The following CARS2 variants were observed in gnomAD, a reference collection of about 807,000 sequenced individuals.
The protein encoded by CARS2 is probable cysteine--tRNA ligase, mitochondrial.
In CARS2, 52 loss-of-function variants were observed where a neutral mutation model predicts 68.8. That is an observed-to-expected ratio of 0.76 (90% confidence interval 0.61 to 0.95). CARS2 has a LOEUF of 0.95. Ranked by LOEUF, CARS2 falls within the 40% of genes least tolerant of loss-of-function variation. CARS2 has a pLI of 0.00. For synonymous variants in CARS2, 314 were observed against 303.6 expected (o/e 1.03, Z -0.36); for missense variants, 780 against 754.2 (o/e 1.03, Z -0.40).
chr13:110,702,140 T>C (rs2063804467), intron 2 of CARS2, among the ~76,000 whole-genome samples: 1 of 152,244 alleles, frequency 6.6e-6, no homozygotes, highest in Non-Finnish European at 1.5e-5. Context: ...CCATAAAAGT[T>C]ACCTTAAAAC....
rs532221248 is a variant in CARS2, at chr13:110,668,035, C to G, written c.786-562G>C. ...GGGCCAGCCCACTCGAAGCTCTGTC[C>G]CTGGACCAGCTGCAGAAGCATGGCG... On this transcript the variant is annotated intron_variant, in intron 7 of 14. Coordinates refer to ENST00000257347, the MANE Select transcript of CARS2 (RefSeq NM_024537.4). This position sits in a 1 kb window ranked among gnomAD's most constrained non-coding sequence, Gnocchi z 4.1. Among the ~76,000 whole-genome samples, 3 of 152,302 alleles carry G rather than the reference C, an allele frequency of 2.0e-5. No individual in the cohort carries two copies. The highest frequency in any genetic ancestry group is 7.2e-5 in the African/African-American group (3 of 41,570).
Position 110,712,734 on chromosome 13 carries a change from G to T in CARS2, n.399+403C>A, listed in dbSNP as rs1416099476. 21 of 697,860 alleles carry T rather than the reference G, an allele frequency of 3.0e-5. 2 individuals carry two copies. In the Admixed American group the frequency reaches 3.6e-4, roughly 12 times the overall value. 43.2% of individuals were successfully genotyped at this position (697,860 alleles called of 1,614,324 possible). Reference sequence around the variant, plus strand: ...GGCGGCCTTTCCAAGTGTGGGGAGCGGCCTCCGAGAACGGTGTCCATGACA... The same window carrying T: ...GGCGGCCTTTCCAAGTGTGGGGAGCTGCCTCCGAGAACGGTGTCCATGACA... On this transcript the variant is annotated intron_variant and non_coding_transcript_variant, in intron 1 of 2. Coordinates refer to the CARS2 transcript ENST00000485188.
At chr13:110,684,342 C>T (rs535016774) in intron 5 of CARS2, among the ~76,000 whole-genome samples, 2 of 152,140 alleles carry the variant, frequency 1.3e-5, no homozygotes, top group South Asian at 4.2e-4. Flanking sequence ...ACTGCGGACA[C>T]TGGTGTTGGT....
At chr13:110,703,184 T>G (rs968591586) in intron 2 of CARS2, among the ~76,000 whole-genome samples, 15 of 152,230 alleles carry the variant, frequency 9.9e-5, no homozygotes, top group African/African-American at 3.4e-4. Context: ...GGGTGTCTCT[T>G]TCCAGTGAAC....
chr13:110,692,502 A>G (rs1014180850), intron 3 of CARS2, among the ~76,000 whole-genome samples: 3 of 151,478 alleles, frequency 2.0e-5, no homozygotes, highest in African/African-American at 7.3e-5. Flanking sequence ...AAAAGTTTTC[A>G]TATTTGATAG....
At chr13:110,681,888 G>C (rs2063166942) in intron 6 of CARS2, among the ~76,000 whole-genome samples, 1 of 152,220 alleles carries the variant, frequency 6.6e-6, no homozygotes. Context: ...AGAGACTGTA[G>C]AAAGACCAGT....
Position 110,692,058 on chromosome 13 carries a change from A to T in CARS2, c.394-4040T>A, listed in dbSNP as rs2063482155. The stretch of plus-strand genomic sequence containing the variant: ...CACATATATATATATACACATATAC[A>T]TATATATATACACACATACATATAT... On this transcript the variant is annotated intron_variant, in intron 3 of 14. Transcript: ENST00000257347. 5.4e-5 allele frequency among the ~76,000 whole-genome samples: 6 copies of T among 111,066 alleles called. No homozygotes were observed. In the South Asian group the frequency reaches 1.7e-3, roughly 31 times the overall value. The allele number at this position is 111,066 out of a possible 152,430, so 72.9% of individuals were successfully genotyped here. A position where few individuals can be genotyped will look rare whatever the true frequency, so the allele number is the denominator to read the frequency against.
intron 5 of CARS2, among the ~76,000 whole-genome samples, chr13:110,684,645 G>T (rs1248536922): frequency 6.6e-6 from 1 of 150,946 alleles, no homozygotes; most frequent in Non-Finnish European, 1.5e-5. Flanking sequence ...GTCATTCAGG[G>T]TTGACCATTA....
At chr13:110,650,749 G>GA (rs2062184895) in intron 10 of CARS2, 1 of 362,750 alleles carries the variant, frequency 2.8e-6, no homozygotes, top group Admixed American at 4.9e-5. Context: ...CACACAGCAG[G>GA]AAGCCGAGGT....
intron 9 of CARS2, among the ~76,000 whole-genome samples, chr13:110,652,311 AG>A (rs2062237367): frequency 1.3e-5 from 2 of 152,252 alleles, no homozygotes; most frequent in Admixed American, 6.5e-5. Flanking sequence ...CAGAGCTGCC[AG>A]GGAGAGTGAG....
intron 1 of CARS2, chr13:110,712,091 G>T (rs557132748): frequency 1.3e-5 from 2 of 152,232 alleles, no homozygotes; most frequent in Non-Finnish European, 2.9e-5. Context: ...AAACCCGGTG[G>T]ATAAAAGCTG....
At chr13:110,677,623 A>AC (rs2063000419) in intron 6 of CARS2, among the ~76,000 whole-genome samples, 1 of 27,268 alleles carries the variant, frequency 3.7e-5, no homozygotes, top group African/African-American at 1.0e-4. Flanking sequence ...GCAGACAGTC[A>AC]CCCCACCACA....
chr13:110,653,241 T>G lies in CARS2; in HGVS notation c.988-2141A>C, dbSNP rs1465750162. ...TGTGTGTGTGTGTGTGAAGAGCCCC[T>G]GTCCAATCCAACAGTAGTTCATCAG... On this transcript the variant is annotated intron_variant, in intron 9 of 14. Transcript: ENST00000257347. This position sits in a 1 kb window ranked among gnomAD's most constrained non-coding sequence, Gnocchi z 5.6. 6.6e-6 allele frequency among the ~76,000 whole-genome samples: 1 copy of G among 152,040 alleles called. No homozygotes were observed. The highest frequency in any genetic ancestry group is 1.5e-5 in the Non-Finnish European group (1 of 68,012).
At position 110,655,507 on chromosome 13, in the gene CARS2, C is replaced by T. The variant is rs184319067; in HGVS notation, c.988-4407G>A. ...GAGGCCAAGAGATTAATCAAGCAAG[C>T]GCAAAACTACACGACTGTGTGTGAA... On this transcript the variant is annotated intron_variant, in intron 9 of 14. Transcript: ENST00000257347. Among the ~76,000 whole-genome samples the T allele has an allele frequency of 1.9e-3, 291 of 152,226 alleles. 2 individuals are homozygous for T. The highest frequency in any genetic ancestry group is 8.7e-4 in the Non-Finnish European group (59 of 68,020).
Position 110,668,491 on chromosome 13 carries a change from G to A in CARS2, c.786-1018C>T, listed in dbSNP as rs928081100. On this transcript the variant is annotated intron_variant, in intron 7 of 14. Coordinates refer to ENST00000257347, the MANE Select transcript of CARS2 (RefSeq NM_024537.4). The surrounding 1 kb of genome is among the most constrained non-coding windows in gnomAD (Gnocchi z 4.1). ...CGGGAGGCGGAGCTTGCAGTGAGCC[G>A]AGATCGCGCCACTGCACTCCAGCCT... Among the ~76,000 whole-genome samples, 41 of 151,206 alleles carry A rather than the reference G, an allele frequency of 2.7e-4. No individual in the cohort carries two copies. Among genetic ancestry groups the A allele is most frequent in the East Asian group, 5.9e-4 (3 of 5,120 alleles).
In CARS2 at chr13:110,705,845, C is replaced by T. The variant is rs763734934; in HGVS notation, c.224+25G>A. ...GTCTCCGCCACGATCGGCCCCCGCCCGTGCCCCAGTCCCGCGCGGCCCACC... is the reference window on the plus strand; with the variant it reads ...GTCTCCGCCACGATCGGCCCCCGCCTGTGCCCCAGTCCCGCGCGGCCCACC... On this transcript the variant is annotated intron_variant, in intron 1 of 14. Transcript: ENST00000257347. The surrounding 1 kb of genome is among the most constrained non-coding windows in gnomAD (Gnocchi z 4.0). 5.3e-5 allele frequency: 81 copies of T among 1,541,422 alleles called. No homozygotes were observed. The highest frequency in any genetic ancestry group is 6.3e-5 in the Non-Finnish European group (72 of 1,145,802).
At chr13:110,677,295 G>A (rs1266259448) in intron 6 of CARS2, among the ~76,000 whole-genome samples, 192 bp from the exon 7 acceptor site, 1 of 22,398 alleles carries the variant, frequency 4.5e-5, no homozygotes, top group Admixed American at 6.2e-4. Flanking sequence ...CGGAAACACA[G>A]AAAATCACCC....
intron 10 of CARS2, chr13:110,649,103 C>G (rs1594231193): frequency 6.6e-6 from 1 of 152,316 alleles, no homozygotes; most frequent in East Asian, 1.9e-4. Context: ...CTCCCCGACT[C>G]TTCCTCTCAC....
At chr13:110,646,336 A>C (rs1888114309) in intron 11 of CARS2, 3 of 384,012 alleles carry the variant, frequency 7.8e-6, no homozygotes, top group African/African-American at 6.3e-5. Flanking sequence ...AATACAAGAC[A>C]CACGTGGGCA....
Sources: allele counts gnomAD v4.1 joint callset (sites outside exome capture counted in the v4.1 genomes callset), GRCh38; gene constraint gnomAD v4.1.1; non-coding constraint Gnocchi (gnomAD v3.1); transcripts MANE v1.5; gene names NCBI Gene and HGNC (gene_info 2026-07-23, HGNC 2026-07-21).